The following ASB13 variants were observed in gnomAD, a reference collection of about 807,000 sequenced individuals.
The protein encoded by ASB13 is ankyrin repeat and SOCS box protein 13.
Under a neutral mutation model 28.8 loss-of-function variants are expected in ASB13, and 33 were observed. The ratio of observed to expected loss-of-function variants is 1.15; its 90% confidence interval spans 0.87 to 1.53. The LOEUF (loss-of-function observed/expected upper bound fraction) is 1.53. ASB13 is among the 40% of genes most tolerant of loss of function. The pLI is 0.00. For synonymous variants in ASB13, 182 were observed against 172.9 expected (o/e 1.05, Z -0.41); for missense variants, 414 against 390.1 (o/e 1.06, Z -0.52).
At position 5,659,507 on chromosome 10, in the gene ASB13, T is replaced by C. The variant is rs1428633147; in HGVS notation, c.44-6457A>G. Among the ~76,000 whole-genome samples the C allele has an allele frequency of 3.9e-5, 6 of 151,978 alleles. No individual in the cohort carries two copies. Among genetic ancestry groups the C allele is most frequent in the African/African-American group, 1.2e-4 (5 of 41,332 alleles). Reference sequence around the variant, plus strand: ...CCAAACTCTACCGACTCACACAGAGTCCAGTGGCTGCAAGTCCCATGCTTT... The same window carrying C: ...CCAAACTCTACCGACTCACACAGAGCCCAGTGGCTGCAAGTCCCATGCTTT... On this transcript the variant is annotated intron_variant, in intron 1 of 5. Coordinates refer to ENST00000357700, the MANE Select transcript of ASB13 (RefSeq NM_024701.4). This position sits in a 1 kb window ranked among gnomAD's most constrained non-coding sequence, Gnocchi z 5.8.
rs904622129 is a variant in ASB13, at chr10:5,656,139, A to G, written c.44-3089T>C. Among the ~76,000 whole-genome samples the G allele has an allele frequency of 6.6e-6, 1 of 152,130 alleles. No homozygotes were observed. Among genetic ancestry groups the G allele is most frequent in the Non-Finnish European group, 1.5e-5 (1 of 68,026 alleles). ...GGTCTATCTCAGGCACCGCTTATTC[A>G]CCTCTGTACCCCAGAACCTGGCACT... On this transcript the variant is annotated intron_variant, in intron 1 of 5. Transcript: ENST00000357700. This position sits in a 1 kb window ranked among gnomAD's most constrained non-coding sequence, Gnocchi z 4.3.
rs1834986775 is a variant in ASB13 at position 5,651,634 on chromosome 10, T to C, written c.232-271A>G. 1 of 403,792 alleles carries C rather than the reference T, an allele frequency of 2.5e-6. No individual in the cohort carries two copies. The highest frequency in any genetic ancestry group is 2.1e-5 in the African/African-American group (1 of 48,034). 25.0% of individuals were successfully genotyped at this position (403,792 alleles called of 1,614,324 possible). ...CCTCGCCACCCCCGCCCCAAACACC[T>C]AGTAAGCACAGAGCAGGACAGGGGA... On this transcript the variant is annotated intron_variant, in intron 2 of 5. Transcript: ENST00000357700. The surrounding 1 kb of genome is among the most constrained non-coding windows in gnomAD (Gnocchi z 5.1).
At position 5,645,127 on chromosome 10, in the gene ASB13, C is replaced by T. The variant is rs1487421567; in HGVS notation, c.518-3166G>A. On this transcript the variant is annotated intron_variant, in intron 4 of 5. Transcript: ENST00000357700. The surrounding 1 kb of genome is among the most constrained non-coding windows in gnomAD (Gnocchi z 5.4). ...AGGATTAAAGTGGATTCAGAGAACC[C>T]GTGGCCAGTGACGTGACGGGACCGC... 1.3e-5 allele frequency among the ~76,000 whole-genome samples: 2 copies of T among 151,950 alleles called. No homozygotes were observed. Among genetic ancestry groups the T allele is most frequent in the South Asian group, 2.1e-4 (1 of 4,808 alleles).
Position 5,650,813 on chromosome 10 carries a change from A to G in ASB13, c.382+400T>C, listed in dbSNP as rs1276717232. ...GCAGGACCAGCACTGTTTTGAGAGC[A>G]CCACGCACAGCCTCCTGGCCCAGGC... On this transcript the variant is annotated intron_variant, in intron 3 of 5. Coordinates refer to ENST00000357700, the MANE Select transcript of ASB13 (RefSeq NM_024701.4). This position sits in a 1 kb window ranked among gnomAD's most constrained non-coding sequence, Gnocchi z 6.0. Among the ~76,000 whole-genome samples, 1 of 152,164 alleles carries G rather than the reference A, an allele frequency of 6.6e-6. No individual in the cohort carries two copies. The highest frequency in any genetic ancestry group is 1.5e-5 in the Non-Finnish European group (1 of 68,014).
rs1003708884 is a variant in ASB13, at chr10:5,664,771, A to G, written c.43+1738T>C. On this transcript the variant is annotated intron_variant, in intron 1 of 5. Transcript: ENST00000357700. This position sits in a 1 kb window ranked among gnomAD's most constrained non-coding sequence, Gnocchi z 4.2. ...TCTCAGCTCACTACAACCTCTGCCT[A>G]TCAGGTTCAAGTGATTCTCCTGCCT... Among the ~76,000 whole-genome samples, 4 of 151,878 alleles carry G rather than the reference A, an allele frequency of 2.6e-5. No homozygotes were observed. Among genetic ancestry groups the G allele is most frequent in the East Asian group, 1.9e-4 (1 of 5,186 alleles).
In ASB13 at chr10:5,651,310, C is replaced by A; in HGVS notation, c.285G>T (p.Ser95=). The A allele has an allele frequency of 6.2e-7, 1 of 1,613,904 alleles. No homozygotes were observed. Among genetic ancestry groups the A allele is most frequent in the Non-Finnish European group, 8.5e-7 (1 of 1,179,938 alleles). Residue 95 remains serine (S), a synonymous_variant, in exon 3 of 6, where the codon TCG becomes TCT. Transcript: ENST00000357700. The surrounding 1 kb of genome is among the most constrained non-coding windows in gnomAD (Gnocchi z 5.1). ...AGAGCTTCACACACTCGATGCTGCC[C>A]GAGGCGCAGGCATCGCAGAGCGGGG... ...GSTPLCDACA[S]GSIECVKLLL...
In ASB13 at chr10:5,655,556, G is replaced by A. The variant is rs943756463; in HGVS notation, c.44-2506C>T. Among the ~76,000 whole-genome samples, 5 of 152,220 alleles carry A rather than the reference G, an allele frequency of 3.3e-5. No homozygotes were observed. The highest frequency in any genetic ancestry group is 1.2e-4 in the African/African-American group (5 of 41,462). The stretch of plus-strand genomic sequence containing the variant: ...CCCGGGTGACCCTATGTCAGTGGAA[G>A]TGGGGACTAGGGAGAACTGAACCAC... On this transcript the variant is annotated intron_variant, in intron 1 of 5. Transcript: ENST00000357700. The surrounding 1 kb of genome is among the most constrained non-coding windows in gnomAD (Gnocchi z 6.2).
At position 5,659,844 on chromosome 10, in the gene ASB13, TGC is replaced by T. The variant is rs1835132739; in HGVS notation, c.43+6663_43+6664del. On this transcript the variant is annotated intron_variant, in intron 1 of 5. Coordinates refer to ENST00000357700, the MANE Select transcript of ASB13 (RefSeq NM_024701.4). The surrounding 1 kb of genome is among the most constrained non-coding windows in gnomAD (Gnocchi z 5.8). ...AGCACTCCCCAGACGCATCTTCCCC[TGC>T]CAGACTGAACTTGGACCCCTGCCGC... 6.6e-6 allele frequency among the ~76,000 whole-genome samples: 1 copy of T among 152,146 alleles called. No individual in the cohort carries two copies. The highest frequency in any genetic ancestry group is 2.4e-5 in the African/African-American group (1 of 41,436).
At chr10:5,648,539 T>TAAACACCCACGCGGGC (rs1834927661) in intron 4 of ASB13, among the ~76,000 whole-genome samples, 4 of 81,430 alleles carry the variant, frequency 4.9e-5, no homozygotes, top group Non-Finnish European at 7.0e-5. Context: ...CCTACTCAGG[T>TAAACACCCACGCGGGC]AAACACCCAC....
At position 5,645,554 on chromosome 10, in the gene ASB13, C is replaced by T. The variant is rs1173190782; in HGVS notation, c.517+3416G>A. ...CAAGAACAACGGTCTCCACGTCCCC[C>T]GTGGGGTGCAACGTGGCTCTGCCTC... is the stretch of plus-strand genomic sequence containing the variant. On this transcript the variant is annotated intron_variant, in intron 4 of 5. Coordinates refer to ENST00000357700, the MANE Select transcript of ASB13 (RefSeq NM_024701.4). This position sits in a 1 kb window ranked among gnomAD's most constrained non-coding sequence, Gnocchi z 5.4. Among the ~76,000 whole-genome samples, 2 of 152,300 alleles carry T rather than the reference C, an allele frequency of 1.3e-5. No individual in the cohort carries two copies. Among genetic ancestry groups the T allele is most frequent in the Non-Finnish European group, 2.9e-5 (2 of 68,026 alleles).
At position 5,640,641 on chromosome 10, in the gene ASB13, GC is replaced by G; in HGVS notation, c.*61del. On this transcript the variant is annotated 3_prime_UTR_variant, in exon 6 of 6. Transcript: ENST00000357700. ...ACGCTGCTTCAGAGGAACAGGCAGA[GC>G]CCTCACCCGGGCAATGCTGGGCACA... 6.2e-7 allele frequency: 1 copy of G among 1,604,396 alleles called. No homozygotes were observed. The highest frequency in any genetic ancestry group is 8.5e-7 in the Non-Finnish European group (1 of 1,172,490).
chr10:5,651,892 C>T lies in ASB13; in HGVS notation c.232-529G>A, dbSNP rs1415440668. ...TGGCATGCACCTATAGTCCCAGCTA[C>T]CCAGGAGGCTGAGGTGGAAGGATCA... On this transcript the variant is annotated intron_variant, in intron 2 of 5. Transcript: ENST00000357700. The surrounding 1 kb of genome is among the most constrained non-coding windows in gnomAD (Gnocchi z 5.1). 1.3e-5 allele frequency among the ~76,000 whole-genome samples: 2 copies of T among 151,316 alleles called. No individual in the cohort carries two copies. Among genetic ancestry groups the T allele is most frequent in the African/African-American group, 4.9e-5 (2 of 41,144 alleles).
At position 5,656,367 on chromosome 10, in the gene ASB13, A is replaced by G. The variant is rs531241625; in HGVS notation, c.44-3317T>C. On this transcript the variant is annotated intron_variant, in intron 1 of 5. Transcript: ENST00000357700. The surrounding 1 kb of genome is among the most constrained non-coding windows in gnomAD (Gnocchi z 4.3). ...AGCCTGGCCAACATGGTGAAACCCCATCTCTACTAAAAATACAAAGAATTA... is the reference window on the plus strand; with the variant it reads ...AGCCTGGCCAACATGGTGAAACCCCGTCTCTACTAAAAATACAAAGAATTA... Among the ~76,000 whole-genome samples the G allele has an allele frequency of 1.4e-4, 21 of 152,290 alleles. No homozygotes were observed. In the South Asian group the frequency reaches 4.1e-3, roughly 30 times the overall value.
rs771442450 is a variant in ASB13, at chr10:5,649,077, A to G, written c.410T>C (p.Ile137Thr). ...SGSSECVRLLIDVGANLEAHD... is the reference protein window; with the variant it reads ...SGSSECVRLLTDVGANLEAHD... The stretch of plus-strand genomic sequence containing the variant: ...CGCTTCCAGATTGGCCCCGACGTCA[A>G]TAAGAAGCCTCACACATTCGGAACT... Residue 137 changes from isoleucine to threonine, a missense_variant, in exon 4 of 6, where the codon ATT (isoleucine) becomes ACT (threonine). Physicochemically the swap from Ile to Thr is moderately conservative, Grantham distance 89. Coordinates refer to ENST00000357700, the MANE Select transcript of ASB13 (RefSeq NM_024701.4). This position sits in a 1 kb window ranked among gnomAD's most constrained non-coding sequence, Gnocchi z 6.4. 14 of 1,614,120 alleles carry G rather than the reference A, an allele frequency of 8.7e-6. No homozygotes were observed. The Admixed American group carries it at 1.8e-4, about 21-fold the overall frequency.
In ASB13 at chr10:5,639,138, T is replaced by A. The variant is rs1564513999; in HGVS notation, c.*1565A>T. 1 of 152,688 alleles carries A rather than the reference T, an allele frequency of 6.5e-6. No individual in the cohort carries two copies. The highest frequency in any genetic ancestry group is 2.4e-5 in the African/African-American group (1 of 41,476). 9.5% of individuals were successfully genotyped at this position (152,688 alleles called of 1,614,324 possible). On this transcript the variant is annotated 3_prime_UTR_variant, in exon 6 of 6. Coordinates refer to ENST00000357700, the MANE Select transcript of ASB13 (RefSeq NM_024701.4). ...CCCGCCATGACAATGGCGGGAACGC[T>A]GGAGTAAAACCTCACGGCGGCCAGC...
intron 1 of ASB13, among the ~76,000 whole-genome samples, chr10:5,665,666 T>C (rs1233069012): frequency 2.6e-5 from 4 of 152,096 alleles, no homozygotes; most frequent in Non-Finnish European, 5.9e-5. Context: ...ATGTCAAAGG[T>C]GGTTATTTTG....
At position 5,664,294 on chromosome 10, in the gene ASB13, C is replaced by T. The variant is rs557059088; in HGVS notation, c.43+2215G>A. 2.6e-4 allele frequency among the ~76,000 whole-genome samples: 40 copies of T among 151,008 alleles called. No individual in the cohort carries two copies. In the South Asian group the frequency reaches 8.2e-3, roughly 31 times the overall value. On this transcript the variant is annotated intron_variant, in intron 1 of 5. Coordinates refer to ENST00000357700, the MANE Select transcript of ASB13 (RefSeq NM_024701.4). The surrounding 1 kb of genome is among the most constrained non-coding windows in gnomAD (Gnocchi z 4.2). ...GGAAGACCCAAGGCTGCAGGGCACA[C>T]GTCTCCAAACACTGAACCAGGAGAG... is the stretch of plus-strand genomic sequence containing the variant.
At chr10:5,643,510 C>T (rs1000231656) in intron 4 of ASB13, among the ~76,000 whole-genome samples, 5 of 152,200 alleles carry the variant, frequency 3.3e-5, no homozygotes, top group African/African-American at 1.2e-4. Flanking sequence ...GGAAAAGGAT[C>T]TCTCAACTAG....
At position 5,645,692 on chromosome 10, in the gene ASB13, C is replaced by T. The variant is rs1052164319; in HGVS notation, c.517+3278G>A. Among the ~76,000 whole-genome samples the T allele has an allele frequency of 2.6e-5, 4 of 152,100 alleles. No individual in the cohort carries two copies. Among genetic ancestry groups the T allele is most frequent in the East Asian group, 3.9e-4 (2 of 5,182 alleles). ...TGGTTCAAATGATCCAGGCTTGAGCCGATCAGAATTTGGCAAAGTTTGGGC... is the reference window on the plus strand; with the variant it reads ...TGGTTCAAATGATCCAGGCTTGAGCTGATCAGAATTTGGCAAAGTTTGGGC... On this transcript the variant is annotated intron_variant, in intron 4 of 5. Coordinates refer to ENST00000357700, the MANE Select transcript of ASB13 (RefSeq NM_024701.4). This position sits in a 1 kb window ranked among gnomAD's most constrained non-coding sequence, Gnocchi z 5.4.
Sources: gnomAD v4.1 joint callset for allele counts (sites outside exome capture counted in the v4.1 genomes callset) on GRCh38, gnomAD v4.1.1 for gene constraint, Gnocchi (gnomAD v3.1) non-coding constraint, MANE v1.5 for transcripts, NCBI Gene and HGNC (gene_info 2026-07-23, HGNC 2026-07-21) for gene names.